Variants in UBR3 observed in about 807,000 individuals in gnomAD.
UBR3 encodes the protein ubiquitin protein ligase E3 component n-recognin 3.
In UBR3, 85 loss-of-function variants were observed where a neutral mutation model predicts 243.2. That is an observed-to-expected ratio of 0.35 (90% CI 0.29 to 0.42). UBR3 has a LOEUF of 0.42. Ranked by LOEUF, UBR3 falls within the 10% of genes least tolerant of loss-of-function variation. The pLI is 1.00. For missense variants in UBR3, 1,686 were observed against 2,300.8 expected (o/e 0.73, Z 5.47); for synonymous variants, 748 against 799.8 (o/e 0.94, Z 1.09).
Position 169,950,400 on chromosome 2 carries a change from A to G in UBR3, c.3545+335A>G, listed in dbSNP as rs148096606. ...CTGTTCAGCTTTAAATGAGAATATT[A>G]AAAATATTTAAAATATTTCTCAAAA... On this transcript the variant is annotated intron_variant, in intron 23 of 38. Coordinates refer to ENST00000272793, the MANE Select transcript of UBR3 (RefSeq NM_172070.4). Among the ~76,000 whole-genome samples the G allele has an allele frequency of 2.9e-3, 436 of 152,244 alleles. 1 individual carries two copies. Among genetic ancestry groups the G allele is most frequent in the African/African-American group, 9.9e-3 (413 of 41,556 alleles).
chr2:170,073,339 C>A, intron 35 of UBR3, 89 bp from the exon 36 acceptor site: 1 of 1,462,072 alleles, frequency 6.8e-7, no homozygotes, highest in African/African-American at 1.4e-5. Flanking sequence ...TTCTTATTGT[C>A]TCAAAGTAAT....
chr2:169,866,783 G>A (rs2083280392), intron 1 of UBR3, among the ~76,000 whole-genome samples: 1 of 152,194 alleles, frequency 6.6e-6, no homozygotes, highest in African/African-American at 2.4e-5. Context: ...ATGGGACACA[G>A]AGGCAACTGA....
At chr2:169,930,913 C>A (rs918505600) in intron 18 of UBR3, among the ~76,000 whole-genome samples, 2 of 152,174 alleles carry the variant, frequency 1.3e-5, no homozygotes, top group African/African-American at 4.8e-5. Context: ...CCCTGTTATA[C>A]ATCTGTGGTA....
Position 169,949,754 on chromosome 2 carries a change from A to C in UBR3, c.3234A>C (p.Leu1078Phe). 6.4e-7 allele frequency: 1 copy of C among 1,551,674 alleles called. No homozygotes were observed. Among genetic ancestry groups the C allele is most frequent in the South Asian group, 1.2e-5 (1 of 84,054 alleles). ...CTGCTCCTGGTTCAGCTCCACAGTTAACTACAGCCATTTTGGAAATTAAAG... is the reference window on the plus strand; with the variant it reads ...CTGCTCCTGGTTCAGCTCCACAGTTCACTACAGCCATTTTGGAAATTAAAG... ...KWSAPGSAPQ[L>F]TTAILEIKES... is the part of the protein sequence containing the mutation. Residue 1078 changes from leucine (L) to phenylalanine (F), a missense_variant, in exon 23 of 39, where the codon TTA becomes TTC. Leu to Phe is a conservative substitution (Grantham distance 22). Transcript: ENST00000272793.
intron 19 of UBR3, among the ~76,000 whole-genome samples, chr2:169,933,999 C>T (rs933232262): frequency 3.9e-5 from 6 of 152,180 alleles, no homozygotes; most frequent in Admixed American, 2.0e-4. Flanking sequence ...TTAACTCCCT[C>T]TTTTTCTGCT....
intron 24 of UBR3, among the ~76,000 whole-genome samples, chr2:169,962,514 A>C (rs1333467546): frequency 6.6e-6 from 1 of 152,210 alleles, no homozygotes; most frequent in Non-Finnish European, 1.5e-5. Flanking sequence ...ACTGAGCATC[A>C]GGGTATTTTG....
chr2:169,937,195 C>T (rs1284576115), intron 19 of UBR3, among the ~76,000 whole-genome samples: 12 of 152,194 alleles, frequency 7.9e-5, no homozygotes, highest in Non-Finnish European at 1.8e-4. Context: ...TAATGATCGC[C>T]ATTCTAACTG....
chr2:169,978,135 C>T (rs553780878), intron 24 of UBR3, among the ~76,000 whole-genome samples: 1 of 152,256 alleles, frequency 6.6e-6, no homozygotes, highest in East Asian at 1.9e-4. Context: ...GTGACATAGG[C>T]TGTTAATGTC....
intron 18 of UBR3, among the ~76,000 whole-genome samples, chr2:169,931,905 T>G (rs1341068624): frequency 1.5e-4 from 23 of 152,116 alleles, no homozygotes; most frequent in Admixed American, 1.5e-3. Flanking sequence ...TACTTAATAC[T>G]TAAAATCATC....
intron 19 of UBR3, among the ~76,000 whole-genome samples, chr2:169,933,210 A>G (rs1347749194): frequency 6.6e-6 from 1 of 152,244 alleles, no homozygotes; most frequent in African/African-American, 2.4e-5. Context: ...TAATCTGATA[A>G]ATTTAGAACA....
chr2:169,831,128 T>TATATATATATATATATATATATATA (rs1491457428), intron 1 of UBR3, among the ~76,000 whole-genome samples: 24 of 36,398 alleles, frequency 6.6e-4, no homozygotes, highest in East Asian at 3.0e-3. Flanking sequence ...TATATATATA[T>TATATATATATATATATATATATATA]TTTTTTTTTT....
rs565159301 is a variant in UBR3, at chr2:169,965,801, C to T, written c.3634+7275C>T. Among the ~76,000 whole-genome samples, 106 of 152,154 alleles carry T rather than the reference C, an allele frequency of 7.0e-4. 1 individual carries two copies. Among genetic ancestry groups the T allele is most frequent in the African/African-American group, 2.5e-3 (103 of 41,516 alleles). On this transcript the variant is annotated intron_variant, in intron 24 of 38. Transcript: ENST00000272793. ...AAATTTTCCATTTAATATTTTCTGA[C>T]CATGGTTGACCACAGGTAACTGAAA...
At chr2:169,832,467 G>A (rs1031559286) in intron 1 of UBR3, among the ~76,000 whole-genome samples, 2 of 151,460 alleles carry the variant, frequency 1.3e-5, no homozygotes, top group African/African-American at 2.4e-5. Context: ...GGAGAATGGC[G>A]TGAACCCGGG....
At chr2:169,915,562 T>C (rs2085431663) in intron 11 of UBR3, among the ~76,000 whole-genome samples, 1 of 152,180 alleles carries the variant, frequency 6.6e-6, no homozygotes, top group Non-Finnish European at 1.5e-5. Flanking sequence ...GAAGAATGCC[T>C]CTCAATTTGG....
intron 24 of UBR3, among the ~76,000 whole-genome samples, chr2:169,966,382 G>T (rs913497136): frequency 1.3e-5 from 2 of 152,094 alleles, no homozygotes; most frequent in African/African-American, 4.8e-5. Context: ...CATTTTAATT[G>T]TAAAATTTAT....
intron 24 of UBR3, among the ~76,000 whole-genome samples, chr2:169,961,647 G>A (rs2087579389): frequency 6.6e-6 from 1 of 152,068 alleles, no homozygotes; most frequent in Admixed American, 6.6e-5. Context: ...TTGCCCTTTT[G>A]TCTTTTACCG....
At chr2:169,857,185 T>C (rs1187703354) in intron 1 of UBR3, among the ~76,000 whole-genome samples, 2 of 149,206 alleles carry the variant, frequency 1.3e-5, no homozygotes, top group African/African-American at 2.5e-5. Flanking sequence ...GTGATTCTTG[T>C]GCCTCAGCTT....
intron 8 of UBR3, among the ~76,000 whole-genome samples, chr2:169,900,989 CT>C (rs1413291795): frequency 6.6e-6 from 1 of 152,066 alleles, no homozygotes; most frequent in African/African-American, 2.4e-5. Flanking sequence ...GTGGTTTACC[CT>C]TTTTGTAAAC....
chr2:169,971,453 T>G (rs1253807233), intron 24 of UBR3, among the ~76,000 whole-genome samples: 1 of 150,198 alleles, frequency 6.7e-6, no homozygotes, highest in Admixed American at 6.7e-5. Context: ...GTTTTTATGG[T>G]TTTAGGTCTA....
Sources: allele counts gnomAD v4.1 joint callset (sites outside exome capture counted in the v4.1 genomes callset), GRCh38; gene constraint gnomAD v4.1.1; transcripts MANE v1.5; gene names NCBI Gene and HGNC (gene_info 2026-07-23, HGNC 2026-07-21).